ZNF804B: variants seen among roughly 807,000 people sequenced by gnomAD.
ZNF804B encodes zinc finger protein 804B, also known as zinc finger 804B.
A neutral mutation model predicts 101.4 loss-of-function variants in ZNF804B; 80 were observed. The observed-to-expected ratio is 0.79, with a 90% CI of 0.66 to 0.95. The LOEUF (loss-of-function observed/expected upper bound fraction) is 0.95, where lower values mean the gene tolerates loss of function less well. Ranked by LOEUF, ZNF804B falls within the 40% of genes least tolerant of loss-of-function variation. ZNF804B has a pLI of 0.00. For synonymous variants in ZNF804B, 622 were observed against 558.8 expected, an observed-to-expected ratio of 1.11 and a Z score of -1.59; for missense variants, 1,673 against 1,561.9, an observed-to-expected ratio of 1.07 and a Z score of -1.20.
At chr7:89,053,694 C>T (rs7778567) in intron 1 of ZNF804B, among the ~76,000 whole-genome samples, 67,808 of 151,440 alleles carry the variant, frequency 0.45, 16,029 homozygotes, top group Non-Finnish European at 0.53. Flanking sequence ...TTCCTTCAAT[C>T]GCTTTTCTTC....
At chr7:88,953,312 A>G (rs1410652744) in intron 1 of ZNF804B, among the ~76,000 whole-genome samples, 1 of 151,774 alleles carries the variant, frequency 6.6e-6, no homozygotes, top group Non-Finnish European at 1.5e-5. Context: ...CTGTATTAAC[A>G]TAATCTGGAA....
chr7:89,232,579 A>G (rs542562956), intron 2 of ZNF804B, among the ~76,000 whole-genome samples: 3 of 152,136 alleles, frequency 2.0e-5, no homozygotes, highest in African/African-American at 7.2e-5. Flanking sequence ...AGATCATTCT[A>G]TTTCTTCTTG....
chr7:89,161,812 C>T (rs1791068278), intron 1 of ZNF804B, among the ~76,000 whole-genome samples: 2 of 152,048 alleles, frequency 1.3e-5, no homozygotes, highest in South Asian at 4.1e-4. Flanking sequence ...AAAACATTCA[C>T]TCATATGTTT....
chr7:88,789,186 G>C (rs868470067), intron 1 of ZNF804B, among the ~76,000 whole-genome samples: 1 of 151,964 alleles, frequency 6.6e-6, no homozygotes, highest in Non-Finnish European at 1.5e-5. Flanking sequence ...ATAAGAACTA[G>C]TTTTTTTGTA....
intron 1 of ZNF804B, among the ~76,000 whole-genome samples, chr7:89,190,265 G>A (rs978428981): frequency 4.6e-5 from 7 of 151,212 alleles, no homozygotes; most frequent in Non-Finnish European, 8.8e-5. Flanking sequence ...AACCTGGGAA[G>A]CAGAGGCTGC....
chr7:88,830,237 TG>T (rs1791111185), intron 1 of ZNF804B, among the ~76,000 whole-genome samples: 1 of 152,164 alleles, frequency 6.6e-6, no homozygotes, highest in African/African-American at 2.4e-5. Context: ...GTAATTAAAA[TG>T]TTTATGTTGA....
intron 2 of ZNF804B, among the ~76,000 whole-genome samples, chr7:89,312,814 G>T (rs1277952601): frequency 9.5e-6 from 1 of 105,210 alleles, no homozygotes; most frequent in African/African-American, 3.9e-5. Context: ...ACCTTATCAA[G>T]AAAAGAAAAA....
At chr7:89,115,526 C>G (rs1373274492) in intron 1 of ZNF804B, among the ~76,000 whole-genome samples, 1 of 152,142 alleles carries the variant, frequency 6.6e-6, no homozygotes, top group Non-Finnish European at 1.5e-5. Context: ...AGTAAGACAT[C>G]TTGAGCCCAG....
intron 1 of ZNF804B, among the ~76,000 whole-genome samples, chr7:89,092,350 C>T (rs1789903936): frequency 6.7e-6 from 1 of 149,836 alleles, no homozygotes; most frequent in Admixed American, 6.7e-5. Context: ...ACGATAGCAT[C>T]GTGGACACTT....
At chr7:88,911,382 C>G (rs1284767645) in intron 1 of ZNF804B, among the ~76,000 whole-genome samples, 1 of 150,604 alleles carries the variant, frequency 6.6e-6, no homozygotes, top group Non-Finnish European at 1.5e-5. Flanking sequence ...TCTAGTCATT[C>G]TCTAAGGCCC....
chr7:88,854,149 T>G lies in ZNF804B; in HGVS notation c.108+94065T>G, dbSNP rs144320875. Among the ~76,000 whole-genome samples, 358 of 152,300 alleles carry G rather than the reference T, an allele frequency of 2.4e-3. 3 individuals are homozygous for G. Among genetic ancestry groups the G allele is most frequent in the African/African-American group, 8.2e-3 (343 of 41,578 alleles). The stretch of plus-strand genomic sequence containing the variant: ...AATAATAATAGCTAACCTTTGTTTA[T>G]TTTTACTATAAGCCAGGAAAATGTG... On this transcript the variant is annotated intron_variant, in intron 1 of 3. Coordinates refer to ENST00000333190, the MANE Select transcript of ZNF804B (RefSeq NM_181646.5).
rs1309704938 is a variant in ZNF804B, at chr7:89,219,986, T to C, written c.249+1691T>C. Among the ~76,000 whole-genome samples, 2 of 146,054 alleles carry C rather than the reference T, an allele frequency of 1.4e-5. 1 individual carries two copies. Among genetic ancestry groups the C allele is most frequent in the Non-Finnish European group, 3.0e-5 (2 of 66,894 alleles). ...GTGCATATATATGTATATACATATG[T>C]GTGCATATATGTATATGCACATATA... On this transcript the variant is annotated intron_variant, in intron 2 of 3. Transcript: ENST00000333190.
intron 1 of ZNF804B, among the ~76,000 whole-genome samples, chr7:89,128,939 T>C (rs1245778729): frequency 6.6e-6 from 1 of 151,944 alleles, no homozygotes; most frequent in East Asian, 1.9e-4. Context: ...ACGTTCATGT[T>C]TGGTTGAGTG....
intron 1 of ZNF804B, among the ~76,000 whole-genome samples, chr7:88,926,666 C>T (rs964762502): frequency 1.2e-4 from 18 of 151,964 alleles, no homozygotes; most frequent in African/African-American, 4.4e-4. Flanking sequence ...ACCTGATATG[C>T]AAAGCCCCAT....
At chr7:89,152,571 C>G (rs73202576) in intron 1 of ZNF804B, among the ~76,000 whole-genome samples, 9,679 of 151,948 alleles carry the variant, frequency 0.064, 401 homozygotes, top group Non-Finnish European at 0.087. Flanking sequence ...TTATTATGAT[C>G]TTTATGTTTC....
chr7:89,009,762 C>A (rs891224683), intron 1 of ZNF804B, among the ~76,000 whole-genome samples: 1 of 152,190 alleles, frequency 6.6e-6, no homozygotes, highest in Non-Finnish European at 1.5e-5. Flanking sequence ...CTACTGGCAA[C>A]TTCCTCTTGG....
At chr7:88,964,492 AAGT>A (rs1333419536) in intron 1 of ZNF804B, among the ~76,000 whole-genome samples, 17 of 151,458 alleles carry the variant, frequency 1.1e-4, no homozygotes, top group African/African-American at 3.9e-4. Flanking sequence ...TAAAGACAGA[AAGT>A]AGGATAGTGG....
At chr7:89,311,735 T>C (rs534764523) in intron 2 of ZNF804B, among the ~76,000 whole-genome samples, 2 of 152,330 alleles carry the variant, frequency 1.3e-5, no homozygotes, top group South Asian at 2.1e-4. Flanking sequence ...ATTATCCACT[T>C]ACTCATCACC....
chr7:88,927,240 A>G (rs1792818062), intron 1 of ZNF804B, among the ~76,000 whole-genome samples: 1 of 152,048 alleles, frequency 6.6e-6, no homozygotes, highest in Non-Finnish European at 1.5e-5. Context: ...ACTGTTAACT[A>G]CTCTGATTAA....
Sources: allele counts gnomAD v4.1 joint callset (sites outside exome capture counted in the v4.1 genomes callset), GRCh38; gene constraint gnomAD v4.1.1; transcripts MANE v1.5; gene names NCBI Gene and HGNC (gene_info 2026-07-23, HGNC 2026-07-21).